Variants in CPEB2 observed in about 807,000 individuals in gnomAD.
The protein encoded by CPEB2 is cytoplasmic polyadenylation element-binding protein 2.
A neutral mutation model predicts 93.6 loss-of-function variants in CPEB2; 56 were observed. That is an observed-to-expected ratio of 0.60 (90% confidence interval 0.48 to 0.75). CPEB2 has a LOEUF of 0.75. CPEB2 is among the 30% of genes least tolerant of loss of function. The probability of loss-of-function intolerance (pLI) is 0.00; values close to 1 mark genes in which losing one functional copy is unlikely to be tolerated. For synonymous variants in CPEB2, 764 were observed against 586.3 expected (o/e 1.30, Z -4.38); for missense variants, 1,579 against 1,395.1 (o/e 1.13, Z -2.10).
At chr4:15,051,901 T>G (rs768816285) in intron 6 of CPEB2, among the ~76,000 whole-genome samples, 32 of 152,232 alleles carry the variant, frequency 2.1e-4, no homozygotes, top group Non-Finnish European at 4.7e-4. Context: ...GTGCGGAAGC[T>G]CCGTCTACTG....
chr4:15,053,967 A>G (rs1728488483), intron 7 of CPEB2, among the ~76,000 whole-genome samples, 161 bp from the exon 8 acceptor site: 2 of 152,302 alleles, frequency 1.3e-5, no homozygotes, highest in South Asian at 4.1e-4. Flanking sequence ...TTGACATATT[A>G]TTTTAATAAG....
At chr4:15,016,295 T>A (rs1434456306) in intron 3 of CPEB2, among the ~76,000 whole-genome samples, 2 of 152,076 alleles carry the variant, frequency 1.3e-5, no homozygotes, top group Non-Finnish European at 1.5e-5. Flanking sequence ...TTGGAGGGCA[T>A]GGGCCAGAGC....
intron 4 of CPEB2, among the ~76,000 whole-genome samples, chr4:15,028,117 T>C (rs1725675993): frequency 6.6e-6 from 1 of 152,194 alleles, no homozygotes; most frequent in South Asian, 2.1e-4. Context: ...TTAGCTATGT[T>C]CTCATCACTG....
At chr4:15,042,647 G>A (rs935379495) in intron 6 of CPEB2, among the ~76,000 whole-genome samples, 1 of 152,120 alleles carries the variant, frequency 6.6e-6, no homozygotes, top group Non-Finnish European at 1.5e-5. Flanking sequence ...TGAGAGTCAC[G>A]TGAAAGGCAC....
intron 4 of CPEB2, among the ~76,000 whole-genome samples, chr4:15,021,594 A>G (rs1193766714): frequency 6.6e-6 from 1 of 152,158 alleles, no homozygotes; most frequent in Non-Finnish European, 1.5e-5. Flanking sequence ...ATTGTAGCTC[A>G]TAAAAGTTGA....
At chr4:15,021,825 T>G (rs1489839677) in intron 4 of CPEB2, among the ~76,000 whole-genome samples, 5 of 152,124 alleles carry the variant, frequency 3.3e-5, no homozygotes, top group Non-Finnish European at 7.3e-5. Context: ...ATTACCTGAT[T>G]GCTAAACTCC....
At chr4:15,031,209 G>A (rs1256445042) in intron 4 of CPEB2, among the ~76,000 whole-genome samples, 1 of 151,712 alleles carries the variant, frequency 6.6e-6, no homozygotes, top group East Asian at 1.9e-4. Context: ...CACACTGTCA[G>A]TATCGTAGAT....
rs1312328628 is a variant in CPEB2, at chr4:15,003,248, A to C, written c.575A>C (p.Asp192Ala). The C allele has an allele frequency of 3.9e-6, 6 of 1,519,008 alleles. No homozygotes were observed. Among genetic ancestry groups the C allele is most frequent in the Middle Eastern group, 1.7e-4 (1 of 5,926 alleles). The allele number at this position is 1,519,008 out of a possible 1,614,324, so 94.1% of individuals were successfully genotyped here. The change falls in exon 1 of 12, where the codon GAC (aspartate) becomes GCC (alanine). Residue 192 changes from aspartate to alanine, a missense_variant. Physicochemically the swap from Asp to Ala is moderately radical, Grantham distance 126. Transcript: ENST00000538197. ...FSPPHLPHPP[D>A]SKPPPPPPPL... is the part of the protein sequence containing the mutation. ...CCTCCCCACCTTCCCCACCCTCCGG[A>C]CTCGAAGCCGCCGCCGCCGCCTCCG...
Position 15,004,339 on chromosome 4 carries a change from C to A in CPEB2, c.1662+4C>A, listed in dbSNP as rs1260605931. Reference sequence around the variant, plus strand: ...GAACTCCTATAACCACCACCAGGTACGGCGGGCGGCGGCCTGGCCGCGCCG... The same window carrying A: ...GAACTCCTATAACCACCACCAGGTAAGGCGGGCGGCGGCCTGGCCGCGCCG... On this transcript the variant is annotated splice_donor_region_variant and intron_variant, in intron 1 of 11. Coordinates refer to ENST00000538197, the MANE Select transcript of CPEB2 (RefSeq NM_001177382.2). The A allele has an allele frequency of 6.9e-7, 1 of 1,440,148 alleles. No homozygotes were observed. The highest frequency in any genetic ancestry group is 9.0e-7 in the Non-Finnish European group (1 of 1,107,216). The allele number at this position is 1,440,148 out of a possible 1,614,324, so 89.2% of individuals were successfully genotyped here.
intron 4 of CPEB2, 44 bp downstream of exon 4, chr4:15,017,322 A>G: frequency 9.9e-7 from 1 of 1,010,482 alleles, no homozygotes; most frequent in Non-Finnish European, 1.5e-6. Context: ...TTATACACCA[A>G]TTTGCTTATC....
Position 15,008,380 on chromosome 4 carries a change from C to A in CPEB2, c.1987C>A (p.Leu663Ile). 1 of 1,613,946 alleles carries A rather than the reference C, an allele frequency of 6.2e-7. No homozygotes were observed. Among genetic ancestry groups the A allele is most frequent in the Non-Finnish European group, 8.5e-7 (1 of 1,179,898 alleles). The change falls in exon 3 of 12, where the codon CTC (leucine) becomes ATC (isoleucine). Residue 663 changes from leucine to isoleucine, a missense_variant. By Grantham distance (5) the Leu-to-Ile change is conservative. Transcript: ENST00000538197. The stretch of plus-strand genomic sequence containing the variant: ...GTTGCCAGCTTGGGGCTCAGATTCA[C>A]TCCAAGATAGTTGGTGCACTGCAGC... Reference protein sequence around the residue: ...LQLPAWGSDSLQDSWCTAAGT... With the variant: ...LQLPAWGSDSIQDSWCTAAGT...
chr4:15,018,006 AT>A (rs1484296993), intron 4 of CPEB2: 2 of 151,896 alleles, frequency 1.3e-5, no homozygotes, highest in African/African-American at 4.8e-5. Context: ...CTATTTATCT[AT>A]TGCTACATAA....
At chr4:15,062,288 T>C (rs750381170) in intron 11 of CPEB2, 28 bp downstream of exon 11, 5 of 1,568,476 alleles carry the variant, frequency 3.2e-6, no homozygotes, top group East Asian at 2.2e-5. Context: ...AAATCACTTA[T>C]GTCCTATAAT....
chr4:15,035,348 T>A (rs925271110), intron 5 of CPEB2, among the ~76,000 whole-genome samples: 1 of 152,178 alleles, frequency 6.6e-6, no homozygotes, highest in African/African-American at 2.4e-5. Context: ...TCACTTCACT[T>A]TGACTCAGTT....
At position 15,003,781 on chromosome 4, in the gene CPEB2, T is replaced by C. The variant is rs1166075097; in HGVS notation, c.1108T>C (p.Ser370Pro). The change falls in exon 1 of 12, where the codon TCC becomes CCC. Residue 370 changes from serine (S) to proline (P), a missense_variant. Physicochemically the swap from Ser to Pro is moderately conservative, Grantham distance 74. Transcript: ENST00000538197. ...CCCAGGAGGCGGAGGGGGAGGCGGCTCCGCGTCGCCGCCGCCGCTGCCCGG... is the reference window on the plus strand; with the variant it reads ...CCCAGGAGGCGGAGGGGGAGGCGGCCCCGCGTCGCCGCCGCCGCTGCCCGG... ...GPPGGGGGGG[S>P]ASPPPLPGFG... The C allele has an allele frequency of 1.2e-5, 8 of 665,254 alleles. No homozygotes were observed. The highest frequency in any genetic ancestry group is 1.6e-5 in the Non-Finnish European group (8 of 515,058). 41.2% of individuals were successfully genotyped at this position (665,254 alleles called of 1,614,324 possible). A position where few individuals can be genotyped will look rare whatever the true frequency, so the allele number is the denominator to read the frequency against.
intron 1 of CPEB2, chr4:15,006,363 C>T (rs1722813741): frequency 2.0e-5 from 3 of 150,136 alleles, no homozygotes; most frequent in African/African-American, 4.9e-5. Flanking sequence ...ATCTTAACAC[C>T]AAAGTATTAA....
intron 2 of CPEB2, among the ~76,000 whole-genome samples, 148 bp from the exon 3 acceptor site, chr4:15,008,185 TTTTTG>T (rs1429671186): frequency 6.6e-6 from 1 of 152,060 alleles, no homozygotes; most frequent in African/African-American, 2.4e-5. Context: ...GCAAGTGAGG[TTTTTG>T]TTTTGTTTTG....
intron 11 of CPEB2, among the ~76,000 whole-genome samples, chr4:15,063,086 T>C (rs1729352324): frequency 6.6e-6 from 1 of 152,090 alleles, no homozygotes; most frequent in Admixed American, 6.6e-5. Flanking sequence ...ATTTTTTATA[T>C]CTGAATTAGT....
chr4:15,044,297 A>C (rs998840836), intron 6 of CPEB2, among the ~76,000 whole-genome samples: 4 of 152,206 alleles, frequency 2.6e-5, no homozygotes, highest in Admixed American at 6.5e-5. Flanking sequence ...AGTAATTCCA[A>C]CAGAAAATGT....
Sources: allele counts gnomAD v4.1 joint callset (sites outside exome capture counted in the v4.1 genomes callset), GRCh38; gene constraint gnomAD v4.1.1; transcripts MANE v1.5; gene names NCBI Gene and HGNC (gene_info 2026-07-23, HGNC 2026-07-21).